TNFAIP8: variants seen among roughly 807,000 people sequenced by gnomAD.
TNFAIP8 encodes TNF alpha induced protein 8, also known as tumor necrosis factor alpha-induced protein 8.
TNFAIP8 carries 7 observed loss-of-function variants against 13.3 expected under a neutral mutation model. The observed-to-expected ratio is 0.52, with a 90% CI of 0.30 to 0.99. The LOEUF is 0.99. TNFAIP8 is among the 50% of genes least tolerant of loss of function. The probability of loss-of-function intolerance (pLI) is 0.07; values close to 1 mark genes in which losing one functional copy is unlikely to be tolerated. For missense variants in TNFAIP8, 258 were observed against 236.9 expected (o/e 1.09, Z -0.58); for synonymous variants, 94 against 87.6 (o/e 1.07, Z -0.41).
At position 119,356,094 on chromosome 5, in the gene TNFAIP8, C is replaced by G; in HGVS notation, c.4C>G (p.His2Asp). ...TGCAGCTGGTTATCCTGACATTATG[C>G]ACTCCGAAGCAGAAGAATCCAAGGA... The part of the protein sequence containing the change: M[H>D]SEAEESKEVA... The change falls in exon 1 of 2, where the codon CAC becomes GAC. Residue 2 changes from histidine to aspartate, a missense_variant. By Grantham distance (81) the His-to-Asp change is moderately conservative. Coordinates refer to ENST00000504771, the MANE Select transcript of TNFAIP8 (RefSeq NM_014350.4). The G allele has an allele frequency of 6.3e-7, 1 of 1,586,218 alleles. No individual in the cohort carries two copies. Among genetic ancestry groups the G allele is most frequent in the Non-Finnish European group, 8.6e-7 (1 of 1,164,394 alleles).
rs1554167569 is a variant in TNFAIP8 at position 119,281,287 on chromosome 5, T to TACAC, written c.1+12397_1+12400dup. Among the ~76,000 whole-genome samples, 7 of 112,306 alleles carry TACAC rather than the reference T, an allele frequency of 6.2e-5. 1 individual carries two copies. Among genetic ancestry groups the TACAC allele is most frequent in the African/African-American group, 9.4e-5 (3 of 31,922 alleles). The allele number at this position is 112,306 out of a possible 152,430, so 73.7% of individuals were successfully genotyped here. A position where few individuals can be genotyped will look rare whatever the true frequency, so the allele number is the denominator to read the frequency against. On this transcript the variant is annotated intron_variant, in intron 1 of 1. Transcript: ENST00000274456. ...GTCAGAGCTGGGAAACACACACACA[T>TACAC]ACACACACACACACACACACTCTCT...
Position 119,393,561 on chromosome 5 carries a change from T to C in TNFAIP8, c.*180T>C. On this transcript the variant is annotated 3_prime_UTR_variant, in exon 2 of 2. Transcript: ENST00000504771. ...TTGTTTTATTTGAAGAAAAGCATAT[T>C]GCCAAAAATTCTGGTTAAAAGCTTC... is the stretch of plus-strand genomic sequence containing the variant. The C allele has an allele frequency of 1.4e-6, 1 of 704,342 alleles. No individual in the cohort carries two copies. Among genetic ancestry groups the C allele is most frequent in the Non-Finnish European group, 2.3e-6 (1 of 444,198 alleles). 43.6% of individuals were successfully genotyped at this position (704,342 alleles called of 1,614,324 possible). A position where few individuals can be genotyped will look rare whatever the true frequency, so the allele number is the denominator to read the frequency against.
intron 1 of TNFAIP8, among the ~76,000 whole-genome samples, chr5:119,297,609 A>G (rs1749218035): frequency 1.3e-5 from 2 of 152,192 alleles, no homozygotes; most frequent in African/African-American, 4.8e-5. Flanking sequence ...AGTTCTGTAG[A>G]TGTCTATTAG....
chr5:119,365,640 C>T (rs1430217613), intron 1 of TNFAIP8, among the ~76,000 whole-genome samples: 3 of 152,166 alleles, frequency 2.0e-5, no homozygotes, highest in Admixed American at 1.3e-4. Flanking sequence ...AAACTTTTTC[C>T]TCCTGTAAAG....
intron 1 of TNFAIP8, among the ~76,000 whole-genome samples, chr5:119,293,764 T>C (rs936683530): frequency 6.6e-6 from 1 of 152,134 alleles, no homozygotes; most frequent in Non-Finnish European, 1.5e-5. Flanking sequence ...TGAAACAAGA[T>C]TGGCAAAATA....
At chr5:119,356,146 G>T (rs759510843) in intron 1 of TNFAIP8, 25 bp downstream of exon 1, 1 of 1,560,836 alleles carries the variant, frequency 6.4e-7, no homozygotes, top group Non-Finnish European at 8.7e-7. Context: ...TCTCCTGGGG[G>T]CCGGCCAAGT....
At chr5:119,300,553 A>T (rs1228619254) in intron 1 of TNFAIP8, among the ~76,000 whole-genome samples, 1 of 152,200 alleles carries the variant, frequency 6.6e-6, no homozygotes, top group Non-Finnish European at 1.5e-5. Flanking sequence ...TAAAAGAGTG[A>T]TAGTTACCAT....
Position 119,393,657 on chromosome 5 carries a change from C to A in TNFAIP8, c.*276C>A. 1 of 377,474 alleles carries A rather than the reference C, an allele frequency of 2.6e-6. No homozygotes were observed. The highest frequency in any genetic ancestry group is 4.1e-5 in the Admixed American group (1 of 24,134). 23.4% of individuals were successfully genotyped at this position (377,474 alleles called of 1,614,324 possible). ...AAATGTAGTTATACAAAGAAAAATA[C>A]AGATGTCTCCAGACCTGAGGACTTT... On this transcript the variant is annotated 3_prime_UTR_variant, in exon 2 of 2. Coordinates refer to ENST00000504771, the MANE Select transcript of TNFAIP8 (RefSeq NM_014350.4).
chr5:119,317,997 GT>G (rs1428177486), intron 1 of TNFAIP8, among the ~76,000 whole-genome samples: 2 of 152,104 alleles, frequency 1.3e-5, no homozygotes, highest in African/African-American at 4.8e-5. Flanking sequence ...AATAAGTTGT[GT>G]TTTTTTCTTG....
At chr5:119,294,034 C>A (rs997206851) in intron 1 of TNFAIP8, among the ~76,000 whole-genome samples, 1 of 151,592 alleles carries the variant, frequency 6.6e-6, no homozygotes, top group African/African-American at 2.4e-5. Flanking sequence ...CCAATACCTT[C>A]TTTTTTTTCT....
intron 1 of TNFAIP8, among the ~76,000 whole-genome samples, chr5:119,270,111 T>C (rs1441776565): frequency 6.6e-6 from 1 of 152,228 alleles, no homozygotes; most frequent in East Asian, 1.9e-4. Flanking sequence ...ATAACAAAGC[T>C]GTGTGGCCAA....
chr5:119,287,416 C>T (rs2150808478), intron 1 of TNFAIP8, among the ~76,000 whole-genome samples: 1 of 149,778 alleles, frequency 6.7e-6, no homozygotes, highest in East Asian at 2.0e-4. Context: ...TTAATTAACA[C>T]ATCCTTCATC....
intron 1 of TNFAIP8, among the ~76,000 whole-genome samples, chr5:119,313,544 C>T (rs147979370): frequency 6.6e-4 from 100 of 152,236 alleles, no homozygotes; most frequent in African/African-American, 2.3e-3. Flanking sequence ...TTTAAAGATG[C>T]CCTACAACAG....
intron 1 of TNFAIP8, among the ~76,000 whole-genome samples, chr5:119,305,271 C>G (rs1241625084): frequency 2.6e-5 from 4 of 152,120 alleles, no homozygotes. Context: ...TGACTATTTT[C>G]TTAATTGAAT....
At chr5:119,309,522 T>G (rs573375366) in intron 1 of TNFAIP8, among the ~76,000 whole-genome samples, 1 of 152,050 alleles carries the variant, frequency 6.6e-6, no homozygotes, top group Non-Finnish European at 1.5e-5. Flanking sequence ...CTTTCAACAG[T>G]TGTTTAAATA....
Position 119,356,675 on chromosome 5 carries a change from T to C in TNFAIP8, c.31+554T>C, listed in dbSNP as rs115715614. Among the ~76,000 whole-genome samples, 593 of 151,926 alleles carry C rather than the reference T, an allele frequency of 3.9e-3. 2 individuals carry two copies. The highest frequency in any genetic ancestry group is 0.014 in the African/African-American group (560 of 41,442). On this transcript the variant is annotated intron_variant, in intron 1 of 1. Coordinates refer to ENST00000504771, the MANE Select transcript of TNFAIP8 (RefSeq NM_014350.4). ...TTGGGGGTTTGAGGGGGCTGAAAGA[T>C]ATGAGGGGGTCCTTGTGCAGCTTGA... is the stretch of plus-strand genomic sequence containing the variant.
In TNFAIP8 at chr5:119,393,262, G is replaced by C. The variant is rs1220199453; in HGVS notation, c.478G>C (p.Asp160His). 1 of 1,613,834 alleles carries C rather than the reference G, an allele frequency of 6.2e-7. No homozygotes were observed. The highest frequency in any genetic ancestry group is 8.5e-7 in the Non-Finnish European group (1 of 1,179,882). ...KSHGRVNNVF[D>H]HFSDCEFLAA... is the part of the protein sequence containing the mutation. ...ACATGGACGGGTTAATAATGTGTTT[G>C]ATCATTTTTCAGATTGTGAATTTTT... The change falls in exon 2 of 2, where the codon GAT becomes CAT. Residue 160 changes from aspartate to histidine, a missense_variant. Physicochemically the swap from Asp to His is moderately conservative, Grantham distance 81. Transcript: ENST00000504771.
At chr5:119,368,386 A>G (rs536227513) in intron 1 of TNFAIP8, among the ~76,000 whole-genome samples, 8 of 150,250 alleles carry the variant, frequency 5.3e-5, no homozygotes, top group Admixed American at 2.6e-4. Context: ...AAAAAAAAAA[A>G]CCCACACTTT....
intron 1 of TNFAIP8, among the ~76,000 whole-genome samples, chr5:119,311,993 A>C (rs950213495): frequency 6.6e-6 from 1 of 152,208 alleles, no homozygotes; most frequent in Non-Finnish European, 1.5e-5. Flanking sequence ...TGGAACCATG[A>C]CAGAAAGAAA....
Sources: allele counts gnomAD v4.1 joint callset (sites outside exome capture counted in the v4.1 genomes callset), GRCh38; gene constraint gnomAD v4.1.1; transcripts MANE v1.5; gene names NCBI Gene and HGNC (gene_info 2026-07-23, HGNC 2026-07-21).